The following NLGN4X variants were observed in gnomAD, a reference collection of about 807,000 sequenced individuals.
NLGN4X encodes the protein neuroligin-4, X-linked.
Under a neutral mutation model 40.3 loss-of-function variants are expected in NLGN4X, and 3 were observed. The observed-to-expected ratio is 0.07, with a 90% CI of 0.03 to 0.19. The LOEUF (loss-of-function observed/expected upper bound fraction) is 0.19. NLGN4X is among the 10% of genes least tolerant of loss of function. The pLI, the probability that NLGN4X is intolerant of heterozygous loss-of-function variation, is 1.00. For synonymous variants in NLGN4X, 270 were observed against 306.8 expected (o/e 0.88, Z 1.25); for missense variants, 382 against 708.3 (o/e 0.54, Z 5.23).
chrX:6,153,940 C>T (rs2040212553), intron 1 of NLGN4X, among the ~76,000 whole-genome samples: 1 of 112,572 alleles, frequency 8.9e-6, no homozygotes, highest in Non-Finnish European at 1.9e-5. Flanking sequence ...ATTGGGCATT[C>T]ACAATATTCA....
rs750744138 is a variant in NLGN4X at position 6,022,022 on chromosome X, C to A, written c.625+7258G>T. 2.7e-5 allele frequency among the ~76,000 whole-genome samples: 3 copies of A among 112,173 alleles called. No individual in the cohort carries two copies. In the South Asian group the frequency reaches 1.1e-3, roughly 42 times the overall value. On this transcript the variant is annotated intron_variant, in intron 3 of 5. Coordinates refer to ENST00000381095, the MANE Select transcript of NLGN4X (RefSeq NM_181332.3). ...CTTGTCTCAGGATTTCACTTTCTCA[C>A]CCTTCTCTCATGCTTCTTTTACGTC...
At chrX:6,171,959 C>T (rs1438636452) in intron 1 of NLGN4X, among the ~76,000 whole-genome samples, 2 of 110,911 alleles carry the variant, frequency 1.8e-5, no homozygotes, top group African/African-American at 6.6e-5. Context: ...AAGGCTGTAG[C>T]ACGTCCTCTC....
chrX:5,910,589 C>T (rs1194896247), intron 3 of NLGN4X, among the ~76,000 whole-genome samples: 1 of 111,052 alleles, frequency 9.0e-6, no homozygotes, highest in African/African-American at 3.3e-5. Context: ...TGACTGAGTG[C>T]CGGCTTCTAC....
intron 2 of NLGN4X, among the ~76,000 whole-genome samples, chrX:6,050,694 T>C (rs1445826229): frequency 1.8e-5 from 2 of 111,679 alleles, no homozygotes; most frequent in Non-Finnish European, 3.8e-5. Flanking sequence ...TATTTATCTA[T>C]CTATTCTTAC....
At chrX:5,961,065 T>C (rs1230715610) in intron 3 of NLGN4X, among the ~76,000 whole-genome samples, 1 of 111,265 alleles carries the variant, frequency 9.0e-6, no homozygotes, top group Admixed American at 9.6e-5. Flanking sequence ...TCTCCCTCTG[T>C]CGCCCAGGCT....
chrX:5,965,833 C>CAT (rs758404242), intron 3 of NLGN4X, among the ~76,000 whole-genome samples: 1 of 111,895 alleles, frequency 8.9e-6, no homozygotes, highest in Non-Finnish European at 1.9e-5. Flanking sequence ...CACTGGGCAA[C>CAT]ATATATATAA....
chrX:6,032,684 A>C lies in NLGN4X; in HGVS notation c.473-3252T>G, dbSNP rs758644454. The C allele has an allele frequency of 3.4e-6, 4 of 1,180,663 alleles. No individual in the cohort carries two copies. The South Asian group carries it at 7.7e-5, about 23-fold the overall frequency. On this transcript the variant is annotated intron_variant, in intron 2 of 5. Coordinates refer to ENST00000381095, the MANE Select transcript of NLGN4X (RefSeq NM_181332.3). ...CTGGGGTTGAGCTTTGAAAAAACAA[A>C]AAATACCTTCGTCTTCACCACGGTC...
At chrX:6,166,503 G>A (rs1209424419) in intron 1 of NLGN4X, among the ~76,000 whole-genome samples, 1 of 111,848 alleles carries the variant, frequency 8.9e-6, no homozygotes, top group Non-Finnish European at 1.9e-5. Context: ...TTTACAAAAT[G>A]TATCAATTTT....
At chrX:5,938,351 A>G (rs2033800702) in intron 3 of NLGN4X, among the ~76,000 whole-genome samples, 2 of 111,151 alleles carry the variant, frequency 1.8e-5, no homozygotes, top group Non-Finnish European at 3.8e-5. Flanking sequence ...AAAAGTCAAG[A>G]TTAGGATCAA....
At chrX:6,065,864 C>T (rs773437306) in intron 2 of NLGN4X, among the ~76,000 whole-genome samples, 7 of 111,265 alleles carry the variant, frequency 6.3e-5, no homozygotes, top group African/African-American at 2.3e-4. Context: ...AGCTAAATTG[C>T]ATATTTTAAA....
At chrX:5,917,738 CA>C (rs771481727) in intron 3 of NLGN4X, among the ~76,000 whole-genome samples, 5 of 111,743 alleles carry the variant, frequency 4.5e-5, no homozygotes, top group Non-Finnish European at 1.9e-5. Flanking sequence ...TTCATCTACA[CA>C]TACTAGGAAC....
chrX:6,179,327 C>A (rs962233343), intron 1 of NLGN4X, among the ~76,000 whole-genome samples: 1 of 111,287 alleles, frequency 9.0e-6, no homozygotes, highest in Admixed American at 9.6e-5. Flanking sequence ...ATTTTGTTCA[C>A]AAAAGTTAGA....
chrX:6,128,234 C>A (rs752528956), intron 2 of NLGN4X, among the ~76,000 whole-genome samples: 1 of 111,400 alleles, frequency 9.0e-6, no homozygotes, highest in Non-Finnish European at 1.9e-5. Context: ...AGGCACACAC[C>A]CCTGGCAACA....
At position 6,089,642 on chromosome X, in the gene NLGN4X, C is replaced by A. The variant is rs1306777882; in HGVS notation, c.473-60210G>T. On this transcript the variant is annotated intron_variant, in intron 2 of 5. Transcript: ENST00000381095. ...GAAGGGATACCCCCTTATGACCCCACCCCAAAGGGGTATGTGTTGGGGCGG... is the reference window on the plus strand; with the variant it reads ...GAAGGGATACCCCCTTATGACCCCAACCCAAAGGGGTATGTGTTGGGGCGG... Among the ~76,000 whole-genome samples the A allele has an allele frequency of 6.2e-5, 7 of 112,274 alleles. No individual in the cohort carries two copies. The East Asian group carries it at 1.7e-3, about 27-fold the overall frequency.
At chrX:5,987,243 T>C (rs1354911686) in intron 3 of NLGN4X, among the ~76,000 whole-genome samples, 1 of 111,836 alleles carries the variant, frequency 8.9e-6, no homozygotes, top group Non-Finnish European at 1.9e-5. Flanking sequence ...AAAGTTGCAT[T>C]CATTTAGAGT....
At chrX:5,926,801 C>A (rs1352300809) in intron 3 of NLGN4X, among the ~76,000 whole-genome samples, 1 of 108,624 alleles carries the variant, frequency 9.2e-6, no homozygotes, top group African/African-American at 3.3e-5. Context: ...CACACACACA[C>A]ACACACACAC....
At chrX:6,167,079 A>T (rs1458950723) in intron 1 of NLGN4X, among the ~76,000 whole-genome samples, 10 of 106,684 alleles carry the variant, frequency 9.4e-5, no homozygotes, top group Non-Finnish European at 1.4e-4. Context: ...CAAAAAAAAA[A>T]AAAAAAAAAA....
chrX:5,903,304 G>T lies in NLGN4X; in HGVS notation c.1374C>A (p.Asp458Glu). The T allele has an allele frequency of 8.3e-7, 1 of 1,211,721 alleles. No individual in the cohort carries two copies. The highest frequency in any genetic ancestry group is 1.1e-6 in the Non-Finnish European group (1 of 895,404). The change falls in exon 5 of 6, where the codon GAC becomes GAA. Residue 458 changes from aspartate to glutamate, a missense_variant. Asp to Glu is a conservative substitution (Grantham distance 45). Coordinates refer to ENST00000381095, the MANE Select transcript of NLGN4X (RefSeq NM_181332.3). ...QWVAPAVATA[D>E]LHAQYGSPTY... ...TGGGGGAGCCGTACTGCGCGTGCAG[G>T]TCGGCGGTGGCCACGGCGGGGGCCA...
chrX:6,004,578 G>A (rs2036055999), intron 3 of NLGN4X, among the ~76,000 whole-genome samples: 1 of 111,987 alleles, frequency 8.9e-6, no homozygotes, highest in African/African-American at 3.2e-5. Context: ...TGATAGGAAT[G>A]GTGAAGCAGG....
Sources: gnomAD v4.1 joint callset for allele counts (sites outside exome capture counted in the v4.1 genomes callset) on GRCh38, gnomAD v4.1.1 for gene constraint, MANE v1.5 for transcripts, NCBI Gene and HGNC (gene_info 2026-07-23, HGNC 2026-07-21) for gene names.